Variants in SAMMSON observed in about 807,000 individuals in gnomAD.
The protein encoded by SAMMSON is long intergenic non-protein coding RNA 1212.
intron 3 of SAMMSON, among the ~76,000 whole-genome samples, chr3:70,027,124 T>C (rs751508810): frequency 3.5e-4 from 54 of 152,208 alleles, no homozygotes; most frequent in Admixed American, 2.0e-4. Context: ...TGCTATAATT[T>C]TCTTTGAGGT....
chr3:70,133,185 G>A (rs1279736708), intron 4 of SAMMSON, among the ~76,000 whole-genome samples: 1 of 152,066 alleles, frequency 6.6e-6, no homozygotes, highest in African/African-American at 2.4e-5. Flanking sequence ...TGGTTTCTAG[G>A]GGAACCAGTC....
Position 70,105,068 on chromosome 3 carries a change from G to C in SAMMSON, n.507+33503G>C, listed in dbSNP as rs913827173. Among the ~76,000 whole-genome samples, 6 of 152,050 alleles carry C rather than the reference G, an allele frequency of 3.9e-5. No homozygotes were observed. The South Asian group carries it at 1.2e-3, about 32-fold the overall frequency. On this transcript the variant is annotated intron_variant and non_coding_transcript_variant, in intron 4 of 9. Transcript: ENST00000642114. ...TTCTCAAGGATTGCCATCATATATA[G>C]AACCTTACTCAGGGAGAGATTTTTT...
At chr3:70,224,775 G>A (rs998834159) in intron 4 of SAMMSON, among the ~76,000 whole-genome samples, 1 of 151,682 alleles carries the variant, frequency 6.6e-6, no homozygotes, top group Non-Finnish European at 1.5e-5. Flanking sequence ...CCAATTTTGC[G>A]CTCTATTAAA....
chr3:70,012,260 C>A (rs918644627), intron 1 of SAMMSON: 4 of 152,106 alleles, frequency 2.6e-5, no homozygotes, highest in African/African-American at 9.7e-5. Context: ...ATCCTTGGAA[C>A]CTCTGACTTT....
chr3:70,353,837 G>A (rs1383328517), intron 7 of SAMMSON, among the ~76,000 whole-genome samples: 1 of 152,194 alleles, frequency 6.6e-6, no homozygotes, highest in African/African-American at 2.4e-5. Context: ...TTCAATGGGT[G>A]AATGGTTAAA....
intron 4 of SAMMSON, among the ~76,000 whole-genome samples, chr3:70,149,890 A>G (rs1407789432): frequency 1.3e-5 from 2 of 152,046 alleles, no homozygotes; most frequent in East Asian, 3.9e-4. Context: ...AGAAACCCAA[A>G]CATACACTAC....
chr3:70,186,889 A>G (rs1362775268), intron 4 of SAMMSON, among the ~76,000 whole-genome samples: 1 of 152,244 alleles, frequency 6.6e-6, no homozygotes, highest in Non-Finnish European at 1.5e-5. Context: ...TCTGTCAGAC[A>G]GCCTTTAAGT....
intron 4 of SAMMSON, among the ~76,000 whole-genome samples, chr3:70,200,714 C>G (rs4525829): frequency 0.1 from 15,548 of 152,226 alleles, 1,205 homozygotes; most frequent in African/African-American, 0.21. Flanking sequence ...AGCCATATCT[C>G]TCTCTCTGGT....
chr3:70,232,851 GA>G (rs1403661885), intron 4 of SAMMSON, among the ~76,000 whole-genome samples: 1 of 151,988 alleles, frequency 6.6e-6, no homozygotes, highest in Non-Finnish European at 1.5e-5. Context: ...CAGAAAGAAG[GA>G]AAAAAATCTT....
In SAMMSON at chr3:70,271,606, C is replaced by T. The variant is rs77229412; in HGVS notation, n.675-19573C>T. 7.5e-3 allele frequency among the ~76,000 whole-genome samples: 1,139 copies of T among 152,308 alleles called. 14 individuals are homozygous for T. The highest frequency in any genetic ancestry group is 0.027 in the African/African-American group (1,102 of 41,566). On this transcript the variant is annotated intron_variant and non_coding_transcript_variant, in intron 6 of 9. Transcript: ENST00000642114. ...ATTCTGGTTGGTCCATTACTTTCAT[C>T]TTATAGCCAAAACAATAGACCCAGC...
chr3:70,130,936 T>C (rs1303405046), intron 4 of SAMMSON, among the ~76,000 whole-genome samples: 7 of 152,174 alleles, frequency 4.6e-5, no homozygotes, highest in Non-Finnish European at 1.0e-4. Context: ...CAATAACTGG[T>C]TGTTTTATGC....
At chr3:70,405,682 C>T (rs1701172089) in intron 2 of SAMMSON, among the ~76,000 whole-genome samples, 1 of 152,066 alleles carries the variant, frequency 6.6e-6, no homozygotes, top group African/African-American at 2.4e-5. Context: ...AGATAATAAA[C>T]AGAGACTCAG....
intron 6 of SAMMSON, among the ~76,000 whole-genome samples, chr3:70,256,036 C>A (rs1336808960): frequency 6.6e-6 from 1 of 152,056 alleles, no homozygotes; most frequent in African/African-American, 2.4e-5. Context: ...TAGTACCACC[C>A]CAAATTATTT....
intron 4 of SAMMSON, among the ~76,000 whole-genome samples, chr3:70,082,690 A>C (rs1208080178): frequency 6.6e-6 from 1 of 152,232 alleles, no homozygotes; most frequent in Non-Finnish European, 1.5e-5. Flanking sequence ...TGAGCTGTGC[A>C]TTCTTGGGTA....
At chr3:70,429,142 A>G (rs1033849490) in intron 2 of SAMMSON, among the ~76,000 whole-genome samples, 11 of 152,026 alleles carry the variant, frequency 7.2e-5, no homozygotes, top group African/African-American at 2.4e-4. Flanking sequence ...TAATTTTTGT[A>G]TAAGGTATAA....
chr3:70,214,607 C>CTT lies in SAMMSON; in HGVS notation n.508-34487_508-34486dup, dbSNP rs11391954. ...TTCAATTTTTGGGGGCTGAAGTGGGCTTTTTTTTTTTTTTATCTAACTATT... is the reference window on the plus strand; with the variant it reads ...TTCAATTTTTGGGGGCTGAAGTGGGCTTTTTTTTTTTTTTTTATCTAACTATT... On this transcript the variant is annotated intron_variant and non_coding_transcript_variant, in intron 4 of 9. Transcript: ENST00000642114. 8.5e-3 allele frequency among the ~76,000 whole-genome samples: 1,194 copies of CTT among 140,258 alleles called. 62 individuals carry two copies. In the East Asian group the frequency reaches 0.15, roughly 17 times the overall value. 92.0% of individuals were successfully genotyped at this position (140,258 alleles called of 152,430 possible). A position where few individuals can be genotyped will look rare whatever the true frequency, so the allele number is the denominator to read the frequency against.
At chr3:70,303,801 C>T (rs1335161552) in intron 7 of SAMMSON, among the ~76,000 whole-genome samples, 3 of 152,248 alleles carry the variant, frequency 2.0e-5, no homozygotes, top group Admixed American at 1.3e-4. Flanking sequence ...CTTGCCTCAG[C>T]TTCCTGAGTA....
At chr3:70,378,464 G>C (rs1441893626) in intron 9 of SAMMSON, among the ~76,000 whole-genome samples, 1 of 151,942 alleles carries the variant, frequency 6.6e-6, no homozygotes, top group Non-Finnish European at 1.5e-5. Flanking sequence ...GATGAGGAAG[G>C]GTAAAAACCT....
intron 4 of SAMMSON, among the ~76,000 whole-genome samples, chr3:70,161,670 T>C (rs2067615758): frequency 6.6e-6 from 1 of 151,878 alleles, no homozygotes; most frequent in South Asian, 2.1e-4. Context: ...TCAGCCTTCT[T>C]AGAATGCCCT....
Sources: allele counts gnomAD v4.1 joint callset (sites outside exome capture counted in the v4.1 genomes callset), GRCh38; gene constraint gnomAD v4.1.1; transcripts MANE v1.5; gene names NCBI Gene and HGNC (gene_info 2026-07-23, HGNC 2026-07-21).